Variants in CD99L2 observed in about 807,000 individuals in gnomAD.
CD99L2 encodes the protein CD99 antigen-like protein 2.
A neutral mutation model predicts 27.3 loss-of-function variants in CD99L2; 24 were observed. The observed-to-expected ratio is 0.88, with a 90% CI of 0.64 to 1.24. The LOEUF is 1.24. Among genes scored for constraint, CD99L2 ranks in the 50% most tolerant of loss-of-function variants. The probability of loss-of-function intolerance (pLI) is 0.00; values close to 1 mark genes in which losing one functional copy is unlikely to be tolerated. For synonymous variants in CD99L2, 97 were observed against 87.9 expected, an observed-to-expected ratio of 1.10 and a Z score of -0.58; for missense variants, 255 against 221.6, an observed-to-expected ratio of 1.15 and a Z score of -0.96.
chrX:150,802,709 G>A (rs1214101624), intron 4 of CD99L2, among the ~76,000 whole-genome samples: 2 of 101,190 alleles, frequency 2.0e-5, no homozygotes, highest in Non-Finnish European at 4.0e-5. Context: ...AGCCTCCTGA[G>A]TCGCTGGGAC....
chrX:150,810,274 T>C (rs782514799), intron 4 of CD99L2, among the ~76,000 whole-genome samples: 11 of 111,881 alleles, frequency 9.8e-5, no homozygotes, highest in Non-Finnish European at 1.5e-4. Flanking sequence ...CCAATCATAA[T>C]TGGAAATCAA....
intron 4 of CD99L2, among the ~76,000 whole-genome samples, chrX:150,802,604 CAG>C (rs1333520743): frequency 1.1e-5 from 1 of 92,769 alleles, no homozygotes; most frequent in African/African-American, 3.9e-5. Context: ...TTTTTTGAGA[CAG>C]AGTCTCGCTC....
chrX:150,791,716 G>C (rs782081474), intron 7 of CD99L2, among the ~76,000 whole-genome samples: 3 of 110,929 alleles, frequency 2.7e-5, no homozygotes, highest in South Asian at 3.9e-4. Flanking sequence ...GTCCTGCCCA[G>C]GCTGGGCAGG....
intron 1 of CD99L2, among the ~76,000 whole-genome samples, chrX:150,838,263 G>T (rs991735216): frequency 8.9e-6 from 1 of 112,075 alleles, no homozygotes; most frequent in Non-Finnish European, 1.9e-5. Context: ...AAGACGTAAG[G>T]ACTGACAGTC....
intron 1 of CD99L2, among the ~76,000 whole-genome samples, chrX:150,863,508 C>A (rs1370059561): frequency 8.9e-6 from 1 of 112,331 alleles, no homozygotes. Context: ...GTAGCAATGG[C>A]TCCAAGAGGA....
intron 1 of CD99L2, among the ~76,000 whole-genome samples, chrX:150,891,838 C>T (rs2047517188): frequency 1.8e-5 from 2 of 112,053 alleles, no homozygotes; most frequent in African/African-American, 6.5e-5. Flanking sequence ...AGGGTCCAGT[C>T]TGGATTGGGG....
chrX:150,853,175 G>A (rs1471062102), intron 1 of CD99L2, among the ~76,000 whole-genome samples: 1 of 111,759 alleles, frequency 8.9e-6, no homozygotes, highest in Admixed American at 9.5e-5. Flanking sequence ...AAGAACACAC[G>A]TAAGTGCACC....
At chrX:150,876,061 T>C (rs2047224388) in intron 1 of CD99L2, among the ~76,000 whole-genome samples, 1 of 112,558 alleles carries the variant, frequency 8.9e-6, no homozygotes, top group African/African-American at 3.2e-5. Flanking sequence ...CAATAGTTTG[T>C]TCTTTTTTAT....
At chrX:150,852,037 G>A (rs1388191879) in intron 1 of CD99L2, among the ~76,000 whole-genome samples, 1 of 111,802 alleles carries the variant, frequency 8.9e-6, no homozygotes, top group African/African-American at 3.3e-5. Context: ...CTGTTTTACT[G>A]TTTCAAGCAT....
At chrX:150,793,790 G>A (rs1557419800) in intron 6 of CD99L2, 34 bp from the exon 7 acceptor site, 1 of 1,085,379 alleles carries the variant, frequency 9.2e-7, no homozygotes, top group Admixed American at 2.8e-5. Flanking sequence ...TCAACAACAA[G>A]AAAAAAAAAT....
intron 1 of CD99L2, among the ~76,000 whole-genome samples, chrX:150,833,448 A>T (rs968268587): frequency 6.2e-5 from 7 of 112,107 alleles, no homozygotes; most frequent in Non-Finnish European, 9.4e-5. Context: ...ACAGAAATGG[A>T]AAAAAATCCT....
chrX:150,845,035 T>C (rs1489520107), intron 1 of CD99L2, among the ~76,000 whole-genome samples: 1 of 112,478 alleles, frequency 8.9e-6, no homozygotes, highest in Non-Finnish European at 1.9e-5. Flanking sequence ...GAAGGATTTT[T>C]TTTCTTTTTT....
At chrX:150,776,400 C>G in intron 8 of CD99L2, 107 bp from the exon 9 acceptor site, 1 of 909,610 alleles carries the variant, frequency 1.1e-6, no homozygotes, top group Non-Finnish European at 1.5e-6. Context: ...TACTAGACGC[C>G]CCCAACCCCC....
chrX:150,769,676 C>G (rs1430708360), intron 10 of CD99L2, among the ~76,000 whole-genome samples: 1 of 90,513 alleles, frequency 1.1e-5, no homozygotes, highest in African/African-American at 6.1e-5. Flanking sequence ...AGTCTCCCTG[C>G]CTGCGCCACC....
At chrX:150,893,869 C>T (rs952321308) in intron 1 of CD99L2, among the ~76,000 whole-genome samples, 1 of 109,955 alleles carries the variant, frequency 9.1e-6, no homozygotes, top group Non-Finnish European at 1.9e-5. Context: ...GCGTGTACCA[C>T]CATGCCCAGC....
Position 150,793,698 on chromosome X carries a change from C to CT in CD99L2, c.488dup (p.Lys165Ter), listed in dbSNP as rs1201882388. ...ACAAATCAATGCTCCTACCTTTACC[C>CT]TTGTCAGGTTTGTATTCTCCACCCC... is the stretch of plus-strand genomic sequence containing the variant. On this transcript the variant is annotated frameshift_variant, in exon 7 of 11. Coordinates refer to ENST00000370377, the MANE Select transcript of CD99L2 (RefSeq NM_031462.4). LOFTEE classifies it high-confidence loss of function. 8.4e-7 allele frequency: 1 copy of CT among 1,193,322 alleles called. No homozygotes were observed. Among genetic ancestry groups the CT allele is most frequent in the Non-Finnish European group, 1.1e-6 (1 of 887,677 alleles).
Position 150,814,528 on chromosome X carries a change from T to C in CD99L2, c.277+334A>G, listed in dbSNP as rs139778141. ...GCTCTCCTCAATATAAGTTTTTGTC[T>C]TACCAAGCATAGTTATTTCTCATAA... On this transcript the variant is annotated intron_variant, in intron 4 of 10. Coordinates refer to ENST00000370377, the MANE Select transcript of CD99L2 (RefSeq NM_031462.4). Among the ~76,000 whole-genome samples the C allele has an allele frequency of 1.9e-3, 216 of 112,922 alleles. 5 individuals carry two copies. The East Asian group carries it at 0.049, about 26-fold the overall frequency.
intron 1 of CD99L2, among the ~76,000 whole-genome samples, chrX:150,842,920 C>G (rs187302313): frequency 1.4e-3 from 156 of 111,806 alleles, no homozygotes; most frequent in Non-Finnish European, 2.4e-3. Flanking sequence ...ATCTCCATGC[C>G]AACACCACAC....
chrX:150,861,141 C>CAAAAAAAA (rs782255590), intron 1 of CD99L2, among the ~76,000 whole-genome samples: 2 of 40,920 alleles, frequency 4.9e-5, no homozygotes, highest in African/African-American at 1.8e-4. Flanking sequence ...GACTCTGTCT[C>CAAAAAAAA]AAAAAAAAAA....
Sources: allele counts gnomAD v4.1 joint callset (sites outside exome capture counted in the v4.1 genomes callset), GRCh38; gene constraint gnomAD v4.1.1; transcripts MANE v1.5; gene names NCBI Gene and HGNC (gene_info 2026-07-23, HGNC 2026-07-21).